SLC16A3: variants seen among roughly 807,000 people sequenced by gnomAD.
SLC16A3 encodes monocarboxylate transporter 4.
Under a neutral mutation model 25.0 loss-of-function variants are expected in SLC16A3, and 22 were observed. The observed-to-expected ratio is 0.88, with a 90% CI of 0.63 to 1.26. The LOEUF is 1.26. Among genes scored for constraint, SLC16A3 ranks in the 50% most tolerant of loss-of-function variants. The pLI, the probability that SLC16A3 is intolerant of heterozygous loss-of-function variation, is 0.00. For synonymous variants in SLC16A3, 390 were observed against 309.2 expected (o/e 1.26, Z -2.74); for missense variants, 731 against 666.6 (o/e 1.10, Z -1.06).
chr17:82,237,905 G>C lies in SLC16A3; in HGVS notation c.1123+12G>C. On this transcript the variant is annotated intron_variant, in intron 4 of 4. Coordinates refer to ENST00000582743, the MANE Select transcript of SLC16A3 (RefSeq NM_004207.4). ...GCCCCCTTCGGGAGGTGAGCGCTGC[G>C]CCCCCAGGCAGTTCCCCACACCTGC... The C allele has an allele frequency of 1.3e-6, 2 of 1,593,612 alleles. No individual in the cohort carries two copies. The highest frequency in any genetic ancestry group is 2.2e-5 in the South Asian group (2 of 90,794).
chr17:82,237,244 C>A lies in SLC16A3; in HGVS notation c.474C>A (p.Val158=). 1 of 1,560,936 alleles carries A rather than the reference C, an allele frequency of 6.4e-7. No homozygotes were observed. Among genetic ancestry groups the A allele is most frequent in the Non-Finnish European group, 8.7e-7 (1 of 1,152,814 alleles). Residue 158 remains valine, a synonymous_variant, in exon 4 of 5, where the codon GTC becomes GTA. Coordinates refer to ENST00000582743, the MANE Select transcript of SLC16A3 (RefSeq NM_004207.4). ...GGCTGGCGGCAGCAGGTAGCCCTGT[C>A]TTCCTGTGTGCCCTGAGCCCGCTGG... ...ANGLAAAGSP[V]FLCALSPLGQ...
At chr17:82,224,295 T>C (rs1438589917), upstream of SLC16A3, among the ~76,000 whole-genome samples, 1 of 30,516 alleles carries the variant, frequency 3.3e-5, no homozygotes. Flanking sequence ...GACACACCCC[T>C]ACACCTGTGC....
rs748301547 is a variant in SLC16A3, at chr17:82,238,826, G to C, written c.1248G>C (p.Glu416Asp). The C allele has an allele frequency of 1.6e-5, 25 of 1,612,772 alleles. 1 individual carries two copies. In the Middle Eastern group the frequency reaches 6.6e-4, roughly 42 times the overall value. ...NFFCIRKKPK[E>D]PQPEVAAAEE... is the part of the protein sequence containing the mutation. ...TCTGCATTAGGAAGAAGCCCAAAGA[G>C]CCACAGCCTGAGGTGGCGGCCGCGG... Residue 416 changes from glutamate to aspartate, a missense_variant, in exon 5 of 5, where the codon GAG becomes GAC. Glu to Asp is a conservative substitution (Grantham distance 45). Coordinates refer to ENST00000582743, the MANE Select transcript of SLC16A3 (RefSeq NM_004207.4).
Position 82,239,985 on chromosome 17 carries a change from G to A in SLC16A3, c.*1009G>A, listed in dbSNP as rs968060926. 1 of 1,233,584 alleles carries A rather than the reference G, an allele frequency of 8.1e-7. No homozygotes were observed. The highest frequency in any genetic ancestry group is 1.0e-6 in the Non-Finnish European group (1 of 987,724). 76.4% of individuals were successfully genotyped at this position (1,233,584 alleles called of 1,614,324 possible). On this transcript the variant is annotated 3_prime_UTR_variant, in exon 5 of 5. Transcript: ENST00000582743. ...GAGGCCGCCGGGGCCCTCAGTAGGT[G>A]CGTCGTGGGCGCTGGGGACGGCAGC...
At chr17:82,225,420 C>T (rs2050415825), upstream of SLC16A3, among the ~76,000 whole-genome samples, 2 of 152,194 alleles carry the variant, frequency 1.3e-5, no homozygotes, top group Admixed American at 6.5e-5. Flanking sequence ...GCTGCATCCC[C>T]CATCCAGCCT....
intron 1 of SLC16A3, chr17:82,234,389 T>TG (rs938695789): frequency 6.6e-6 from 1 of 152,410 alleles, no homozygotes; most frequent in African/African-American, 2.4e-5. Flanking sequence ...TTCCGAGGCC[T>TG]GGGTCCCAGA....
At chr17:82,219,592 T>A (rs1006831802) in intron 1 of SLC16A3, among the ~76,000 whole-genome samples, 2 of 151,626 alleles carry the variant, frequency 1.3e-5, no homozygotes, top group African/African-American at 4.9e-5. Flanking sequence ...GCCTCCCAGG[T>A]GCCGGTGGCC....
chr17:82,226,211 A>G (rs2050420789), upstream of SLC16A3, among the ~76,000 whole-genome samples: 1 of 151,792 alleles, frequency 6.6e-6, no homozygotes, highest in African/African-American at 2.4e-5. Flanking sequence ...GGTCTGGGGG[A>G]GAAGTCAAGA....
In SLC16A3 at chr17:82,238,882, A is replaced by C. The variant is rs1166950359; in HGVS notation, c.1304A>C (p.Asp435Ala). 1.2e-6 allele frequency: 2 copies of C among 1,607,964 alleles called. No individual in the cohort carries two copies. The highest frequency in any genetic ancestry group is 1.1e-5 in the South Asian group (1 of 90,482). ...EEEKLHKPPA[D>A]SGVDLREVEH... is the part of the protein sequence containing the mutation. Reference sequence around the variant, plus strand: ...GAGAAGCTCCACAAGCCTCCTGCAGACTCGGGGGTGGACTTGCGGGAGGTG... The same window carrying C: ...GAGAAGCTCCACAAGCCTCCTGCAGCCTCGGGGGTGGACTTGCGGGAGGTG... The change falls in exon 5 of 5, where the codon GAC becomes GCC. Residue 435 changes from aspartate (D) to alanine (A), a missense_variant. Physicochemically the swap from Asp to Ala is moderately radical, Grantham distance 126. Transcript: ENST00000582743.
At chr17:82,238,612 G>A in intron 4 of SLC16A3, 90 bp from the exon 5 acceptor site, 1 of 1,343,526 alleles carries the variant, frequency 7.4e-7, no homozygotes, top group Non-Finnish European at 1.0e-6. Flanking sequence ...ACCCTTGCGT[G>A]CTGAGACACC....
At chr17:82,235,955 G>C in intron 1 of SLC16A3, 28 bp from the exon 2 acceptor site, 2 of 1,490,250 alleles carry the variant, frequency 1.3e-6, no homozygotes, top group Non-Finnish European at 1.8e-6. Context: ...CACCCGGGCA[G>C]CCTGAGTCAG....
At chr17:82,235,650 G>A in intron 1 of SLC16A3, 3 of 377,604 alleles carry the variant, frequency 7.9e-6, no homozygotes, top group South Asian at 7.5e-5. Context: ...AGCGAGCCAG[G>A]GCAGAAATGA....
At chr17:82,224,849 T>G (rs1427069241), upstream of SLC16A3, among the ~76,000 whole-genome samples, 1 of 152,060 alleles carries the variant, frequency 6.6e-6, no homozygotes, top group Admixed American at 6.6e-5. Flanking sequence ...CCCTACACCA[T>G]GCATCACACC....
chr17:82,225,642 C>T (rs949096902), upstream of SLC16A3, among the ~76,000 whole-genome samples: 1 of 152,194 alleles, frequency 6.6e-6, no homozygotes, highest in African/African-American at 2.4e-5. Flanking sequence ...CGGCTTTCTT[C>T]CCCTGACCCG....
intron 1 of SLC16A3, 136 bp from the exon 2 acceptor site, chr17:82,235,847 G>T: frequency 1.6e-6 from 1 of 631,018 alleles, no homozygotes; most frequent in Non-Finnish European, 2.8e-6. Flanking sequence ...CACCAGGTCA[G>T]GGGGCCACAA....
intron 1 of SLC16A3, among the ~76,000 whole-genome samples, chr17:82,223,138 C>T (rs1275173721): frequency 6.6e-6 from 1 of 152,150 alleles, no homozygotes; most frequent in African/African-American, 2.4e-5. Flanking sequence ...CTGCCCTCTA[C>T]CGTAACCGTG....
upstream of SLC16A3, among the ~76,000 whole-genome samples, chr17:82,224,653 T>C: frequency 3.4e-5 from 4 of 118,684 alleles, no homozygotes; most frequent in Admixed American, 8.7e-5. Flanking sequence ...GACACACCCC[T>C]ACACCCGTGC....
chr17:82,220,819 T>A (rs972029034), intron 1 of SLC16A3, among the ~76,000 whole-genome samples: 3 of 152,002 alleles, frequency 2.0e-5, no homozygotes, highest in Non-Finnish European at 4.4e-5. Context: ...TTAATTAATT[T>A]AATTTATTTA....
chr17:82,218,623 G>A (rs2050370631), intron 1 of SLC16A3, among the ~76,000 whole-genome samples: 1 of 152,182 alleles, frequency 6.6e-6, no homozygotes, highest in Non-Finnish European at 1.5e-5. Context: ...GCCGCACCAG[G>A]ACCACCAAAG....
Sources: gnomAD v4.1 joint callset for allele counts (sites outside exome capture counted in the v4.1 genomes callset) on GRCh38, gnomAD v4.1.1 for gene constraint, MANE v1.5 for transcripts, NCBI Gene and HGNC (gene_info 2026-07-23, HGNC 2026-07-21) for gene names.